CHGA: variants seen among roughly 807,000 people sequenced by gnomAD.
CHGA encodes the protein chromogranin-A.
In CHGA, 41 loss-of-function variants were observed where a neutral mutation model predicts 54.4. The observed-to-expected ratio is 0.75, with a 90% CI of 0.59 to 0.98. CHGA has a LOEUF of 0.98. Ranked by LOEUF, CHGA falls within the 50% of genes least tolerant of loss-of-function variation. The pLI, the probability that CHGA is intolerant of heterozygous loss-of-function variation, is 0.00. For missense variants in CHGA, 576 were observed against 582.3 expected, an observed-to-expected ratio of 0.99 and a Z score of 0.11; for synonymous variants, 249 against 232.8, an observed-to-expected ratio of 1.07 and a Z score of -0.63.
chr14:92,923,231 G>C lies in CHGA; in HGVS notation c.-129G>C, dbSNP rs1886817632. On this transcript the variant is annotated 5_prime_UTR_variant, in exon 1 of 8. Transcript: ENST00000216492. ...ATCGACCGACAGACGGACGCACGCC[G>C]AGGCACTGCGCCCCCAGCCCCGCGC... The C allele has an allele frequency of 3.9e-6, 3 of 775,104 alleles. No homozygotes were observed. Among genetic ancestry groups the C allele is most frequent in the Non-Finnish European group, 3.5e-6 (2 of 579,116 alleles). The allele number at this position is 775,104 out of a possible 1,614,324, so 48.0% of individuals were successfully genotyped here. A position where few individuals can be genotyped will look rare whatever the true frequency, so the allele number is the denominator to read the frequency against.
rs1886888933 is a variant in CHGA, at chr14:92,926,535, C to T, written c.94-70C>T. The T allele has an allele frequency of 4.6e-6, 6 of 1,312,554 alleles. No individual in the cohort carries two copies. In the Admixed American group the frequency reaches 1.0e-4, roughly 22 times the overall value. 81.3% of individuals were successfully genotyped at this position (1,312,554 alleles called of 1,614,324 possible). A position where few individuals can be genotyped will look rare whatever the true frequency, so the allele number is the denominator to read the frequency against. On this transcript the variant is annotated intron_variant, in intron 2 of 7. Transcript: ENST00000216492. Reference sequence around the variant, plus strand: ...ACCCTCTGTCCTCACTAGAAATTCACCCTAGAGCCTCCAGGGACTGAGCCC... The same window carrying T: ...ACCCTCTGTCCTCACTAGAAATTCATCCTAGAGCCTCCAGGGACTGAGCCC...
chr14:92,933,961 C>T (rs1296531759), intron 7 of CHGA, among the ~76,000 whole-genome samples: 1 of 152,156 alleles, frequency 6.6e-6, no homozygotes, highest in African/African-American at 2.4e-5. Context: ...CTTAGAAACC[C>T]GAGCCTCGCA....
chr14:92,926,520 C>G (rs1886888818), intron 2 of CHGA, 85 bp from the exon 3 acceptor site: 1 of 1,105,376 alleles, frequency 9.0e-7, no homozygotes, highest in East Asian at 2.4e-5. Flanking sequence ...ACCCTCTGTC[C>G]TCACTAGAAA....
rs1886869889 is a variant in CHGA at position 92,925,511 on chromosome 14, T to C, written c.94-1094T>C. The stretch of plus-strand genomic sequence containing the variant: ...AAGACCTGAAGATTCTATACGAGGT[T>C]GTTGTGACTACATGCATTATACAGC... On this transcript the variant is annotated intron_variant, in intron 2 of 7. Transcript: ENST00000216492. Among the ~76,000 whole-genome samples the C allele has an allele frequency of 2.0e-5, 3 of 152,314 alleles. No homozygotes were observed. The South Asian group carries it at 6.2e-4, about 32-fold the overall frequency.
intron 2 of CHGA, among the ~76,000 whole-genome samples, chr14:92,924,460 A>G (rs941585): frequency 0.97 from 147,472 of 152,374 alleles, 71,392 homozygotes; most frequent in East Asian, 1. Flanking sequence ...TGAGCTGCAC[A>G]TGCAGCGGAA....
At position 92,927,560 on chromosome 14, in the gene CHGA, C is replaced by A. The variant is rs759549612; in HGVS notation, c.198C>A (p.Ile66=). 8 of 1,613,450 alleles carry A rather than the reference C, an allele frequency of 5.0e-6. No individual in the cohort carries two copies. Among genetic ancestry groups the A allele is most frequent in the Non-Finnish European group, 6.8e-6 (8 of 1,179,734 alleles). ...CFETLRGDER[I]LSILRHQNLL... ...TCTTCTTCATTGCAGATGAACGGAT[C>A]CTTTCCATTCTGAGACATCAGAATT... The change falls in exon 4 of 8, where the codon ATC becomes ATA. Residue 66 remains isoleucine (I), a synonymous_variant. Transcript: ENST00000216492.
intron 1 of CHGA, among the ~76,000 whole-genome samples, chr14:92,923,853 G>A (rs1453537028): frequency 6.9e-6 from 1 of 145,930 alleles, no homozygotes; most frequent in African/African-American, 2.5e-5. Context: ...CTCTTCCCCC[G>A]CCCCCCCCAC....
intron 4 of CHGA, 77 bp downstream of exon 4, chr14:92,927,695 C>G (rs1034560513): frequency 4.2e-6 from 5 of 1,179,578 alleles, no homozygotes; most frequent in Non-Finnish European, 6.3e-6. Context: ...GAAGATTCAG[C>G]AAGTTCCTCT....
rs1027191805 is a variant in CHGA at position 92,932,614 on chromosome 14, G to A, written c.1053G>A (p.Glu351=). Residue 351 remains glutamate, a synonymous_variant, in exon 7 of 8, where the codon GAG becomes GAA. Coordinates refer to ENST00000216492, the MANE Select transcript of CHGA (RefSeq NM_001275.4). This position sits in a 1 kb window ranked among gnomAD's most constrained non-coding sequence, Gnocchi z 5.3. The part of the protein sequence containing the change: ...RWSKMDQLAK[E]LTAEKRLEGQ... ...GCAAGATGGACCAGCTGGCCAAGGA[G>A]CTGACGGCTGAGAAGCGGCTGGAGG... 1.3e-6 allele frequency: 2 copies of A among 1,585,054 alleles called. No homozygotes were observed. Among genetic ancestry groups the A allele is most frequent in the Non-Finnish European group, 1.7e-6 (2 of 1,166,586 alleles).
chr14:92,925,602 C>T (rs940048725), intron 2 of CHGA, among the ~76,000 whole-genome samples: 1 of 152,218 alleles, frequency 6.6e-6, no homozygotes, highest in African/African-American at 2.4e-5. Context: ...CACAGCCTCC[C>T]ACCCCCTCAC....
chr14:92,923,485 C>G (rs1886826200), intron 1 of CHGA, 80 bp downstream of exon 1: 3 of 1,164,164 alleles, frequency 2.6e-6, no homozygotes, highest in Non-Finnish European at 3.2e-6. Context: ...GCGCGGCGCC[C>G]CGCACCCCTC....
At position 92,923,318 on chromosome 14, in the gene CHGA, G is replaced by T. The variant is rs1053393220; in HGVS notation, c.-42G>T. The T allele has an allele frequency of 1.8e-5, 24 of 1,316,872 alleles. No individual in the cohort carries two copies. The African/African-American group carries it at 3.1e-4, about 17-fold the overall frequency. The allele number at this position is 1,316,872 out of a possible 1,614,324, so 81.6% of individuals were successfully genotyped here. On this transcript the variant is annotated 5_prime_UTR_variant, in exon 1 of 8. Coordinates refer to ENST00000216492, the MANE Select transcript of CHGA (RefSeq NM_001275.4). Reference sequence around the variant, plus strand: ...GCCGCCCCTCGCCCGGTGCCTAGGTGCCCGGCCCCACACCGCCAGCTGCTC... The same window carrying T: ...GCCGCCCCTCGCCCGGTGCCTAGGTTCCCGGCCCCACACCGCCAGCTGCTC...
At position 92,932,666 on chromosome 14, in the gene CHGA, G is replaced by C. The variant is rs2228575; in HGVS notation, c.1105G>C (p.Asp369His). Reference sequence around the variant, plus strand: ...GCAGGAGGAGGAGGAGGACAACCGGGACAGTTCCATGAAGCTCTCCTTCCG... The same window carrying C: ...GCAGGAGGAGGAGGAGGACAACCGGCACAGTTCCATGAAGCTCTCCTTCCG... ...EGQEEEEDNR[D>H]SSMKLSFRAR... The change falls in exon 7 of 8, where the codon GAC becomes CAC. Residue 369 changes from aspartate (D) to histidine (H), a missense_variant. By Grantham distance (81) the Asp-to-His change is moderately conservative. Coordinates refer to ENST00000216492, the MANE Select transcript of CHGA (RefSeq NM_001275.4). The surrounding 1 kb of genome is among the most constrained non-coding windows in gnomAD (Gnocchi z 5.3). 1.9e-6 allele frequency: 3 copies of C among 1,606,890 alleles called. No homozygotes were observed. Among genetic ancestry groups the C allele is most frequent in the South Asian group, 1.1e-5 (1 of 89,588 alleles).
chr14:92,926,731 G>T (rs748782248), intron 3 of CHGA, 33 bp downstream of exon 3: 21 of 1,575,890 alleles, frequency 1.3e-5, no homozygotes, highest in Admixed American at 3.3e-5. Flanking sequence ...GAGGGCTGCT[G>T]CCTGCTGGGC....
chr14:92,927,830 G>A (rs143813987), intron 4 of CHGA, among the ~76,000 whole-genome samples: 3,705 of 152,268 alleles, frequency 0.024, 77 homozygotes, highest in Non-Finnish European at 0.038. Context: ...ACTTGTCCAA[G>A]GTCACACAGT....
intron 3 of CHGA, 62 bp from the exon 4 acceptor site, chr14:92,927,488 A>G (rs368804688): frequency 3.5e-5 from 47 of 1,336,958 alleles, no homozygotes; most frequent in Non-Finnish European, 4.8e-5. Flanking sequence ...GAAAATATTG[A>G]TGGTAATCTC....
Position 92,932,447 on chromosome 14 carries a change from G to A in CHGA, c.886G>A (p.Glu296Lys). The stretch of plus-strand genomic sequence containing the variant: ...GGCTCAGGACCCCGAAGGGAAGGGA[G>A]AACAGGAGCACTCCCAGCAGAAAGA... ...EEAQDPEGKG[E>K]QEHSQQKEEE... Residue 296 changes from glutamate to lysine, a missense_variant, in exon 7 of 8, where the codon GAA (glutamate) becomes AAA (lysine). Transcript: ENST00000216492. This position sits in a 1 kb window ranked among gnomAD's most constrained non-coding sequence, Gnocchi z 5.3. The A allele has an allele frequency of 1.3e-6, 2 of 1,562,648 alleles. No homozygotes were observed. Among genetic ancestry groups the A allele is most frequent in the Non-Finnish European group, 1.7e-6 (2 of 1,153,298 alleles).
chr14:92,931,822 C>A, intron 6 of CHGA, 120 bp downstream of exon 6: 2 of 1,036,748 alleles, frequency 1.9e-6, no homozygotes, highest in South Asian at 1.7e-5. Context: ...GGTATTAGCT[C>A]CATTTCCCAG....
chr14:92,930,830 G>T (rs1163465707), intron 5 of CHGA, among the ~76,000 whole-genome samples: 1 of 152,190 alleles, frequency 6.6e-6, no homozygotes, highest in Non-Finnish European at 1.5e-5. Flanking sequence ...CTAAAATATT[G>T]CAGAATTGAG....
Sources: allele counts gnomAD v4.1 joint callset (sites outside exome capture counted in the v4.1 genomes callset), GRCh38; gene constraint gnomAD v4.1.1; non-coding constraint Gnocchi (gnomAD v3.1); transcripts MANE v1.5; gene names NCBI Gene and HGNC (gene_info 2026-07-23, HGNC 2026-07-21).